Variants in ARHGAP6 observed in about 807,000 individuals in gnomAD.
ARHGAP6 encodes Rho GTPase activating protein 6, also known as rho GTPase-activating protein 6.
Under a neutral mutation model 55.7 loss-of-function variants are expected in ARHGAP6, and 16 were observed. The observed-to-expected ratio is 0.29, with a 90% CI of 0.19 to 0.44. The LOEUF is 0.44. Among genes scored for constraint, ARHGAP6 ranks in the 20% least tolerant of loss-of-function variants. ARHGAP6 has a pLI of 1.00. For synonymous variants in ARHGAP6, 382 were observed against 360.9 expected, an observed-to-expected ratio of 1.06 and a Z score of -0.66; for missense variants, 698 against 808.9, an observed-to-expected ratio of 0.86 and a Z score of 1.66.
At chrX:11,535,753 C>T (rs989828106) in intron 1 of ARHGAP6, among the ~76,000 whole-genome samples, 3 of 33,999 alleles carry the variant, frequency 8.8e-5, no homozygotes, top group South Asian at 1.1e-3. Context: ...ACAGTAAGTA[C>T]GATCCAAGAT....
chrX:11,144,228 G>T lies in ARHGAP6; in HGVS notation c.1928C>A (p.Ser643Ter). The T allele has an allele frequency of 8.3e-7, 1 of 1,211,455 alleles. No individual in the cohort carries two copies. The highest frequency in any genetic ancestry group is 1.8e-5 in the South Asian group (1 of 56,948). ...CCCTCCCACGGAAAAGGAAACTTCCGACTGCAGCATGTCAGGGCTTCTGGC... is the reference window on the plus strand; with the variant it reads ...CCCTCCCACGGAAAAGGAAACTTCCTACTGCAGCATGTCAGGGCTTCTGGC... ...SQSSSPDMLQSEVSFSVGGRH... is the reference protein window; with the variant it reads ...SQSSSPDMLQ The change falls in exon 11 of 13, where the codon TCG becomes TAG. Residue 643 changes from serine to a stop codon, truncating the protein, a stop_gained. Transcript: ENST00000337414. LOFTEE classifies it high-confidence loss of function.
At chrX:11,243,204 T>C (rs907512582) in intron 2 of ARHGAP6, among the ~76,000 whole-genome samples, 3 of 111,888 alleles carry the variant, frequency 2.7e-5, no homozygotes, top group Non-Finnish European at 5.6e-5. Flanking sequence ...CAGTAGTTTT[T>C]AATCTAAATC....
chrX:11,346,711 G>GAATAAAGAA, intron 1 of ARHGAP6, among the ~76,000 whole-genome samples: 1 of 79,573 alleles, frequency 1.3e-5, no homozygotes, highest in Non-Finnish European at 2.5e-5. Flanking sequence ...CCTGTCTCAA[G>GAATAAAGAA]AAGAAAGAAA....
intron 1 of ARHGAP6, among the ~76,000 whole-genome samples, chrX:11,551,140 G>A (rs188104979): frequency 2.7e-5 from 3 of 111,952 alleles, no homozygotes; most frequent in African/African-American, 9.7e-5. Flanking sequence ...AGGGTGACTT[G>A]GGAACAACAT....
intron 1 of ARHGAP6, among the ~76,000 whole-genome samples, chrX:11,622,116 T>C (rs934686244): frequency 1.8e-5 from 2 of 112,032 alleles, no homozygotes; most frequent in East Asian, 2.8e-4. Context: ...AGGCACTCAT[T>C]AAAAGAACTA....
chrX:11,190,835 C>A, intron 3 of ARHGAP6, among the ~76,000 whole-genome samples: 2 of 111,770 alleles, frequency 1.8e-5, no homozygotes. Context: ...GGCAGATCTT[C>A]CCCACCAGCA....
chrX:11,501,724 A>G (rs2050681009), intron 1 of ARHGAP6, among the ~76,000 whole-genome samples: 1 of 112,072 alleles, frequency 8.9e-6, no homozygotes, highest in South Asian at 3.7e-4. Context: ...AGGCTAGAAA[A>G]AAGTAATATT....
At chrX:11,426,030 C>T (rs2049875132) in intron 1 of ARHGAP6, among the ~76,000 whole-genome samples, 1 of 112,092 alleles carries the variant, frequency 8.9e-6, no homozygotes, top group African/African-American at 3.2e-5. Flanking sequence ...AATCACTGAG[C>T]CACCGGTGTC....
At chrX:11,511,926 A>C (rs1259558839) in intron 1 of ARHGAP6, among the ~76,000 whole-genome samples, 1 of 111,188 alleles carries the variant, frequency 9.0e-6, no homozygotes, top group Non-Finnish European at 1.9e-5. Context: ...TCCCGGGTTC[A>C]CACCATTCTC....
chrX:11,507,323 T>C (rs954680180), intron 1 of ARHGAP6, among the ~76,000 whole-genome samples: 4 of 111,178 alleles, frequency 3.6e-5, no homozygotes, highest in African/African-American at 3.3e-5. Context: ...GGGATGGACA[T>C]GGCAGCACAG....
chrX:11,601,240 G>C (rs761505197), intron 1 of ARHGAP6, among the ~76,000 whole-genome samples: 1 of 111,451 alleles, frequency 9.0e-6, no homozygotes, highest in Non-Finnish European at 1.9e-5. Context: ...AGGGACAGCA[G>C]CAGTGTATGG....
intron 1 of ARHGAP6, among the ~76,000 whole-genome samples, chrX:11,548,241 C>A (rs2051231417): frequency 8.9e-6 from 1 of 112,220 alleles, no homozygotes; most frequent in African/African-American, 3.2e-5. Flanking sequence ...CTGCCTCAAA[C>A]ATTTATCGTT....
intron 1 of ARHGAP6, among the ~76,000 whole-genome samples, chrX:11,645,101 T>C (rs1170572327): frequency 2.7e-5 from 3 of 111,708 alleles, no homozygotes; most frequent in Non-Finnish European, 5.7e-5. Flanking sequence ...CTAAATACTG[T>C]ACAATTCAAT....
intron 1 of ARHGAP6, among the ~76,000 whole-genome samples, chrX:11,483,854 A>G (rs1458043877): frequency 1.8e-5 from 2 of 111,115 alleles, no homozygotes; most frequent in East Asian, 2.8e-4. Context: ...TTTTATGACT[A>G]TAGGGAGAAA....
At chrX:11,469,045 C>A (rs182997239) in intron 1 of ARHGAP6, among the ~76,000 whole-genome samples, 14 of 112,584 alleles carry the variant, frequency 1.2e-4, no homozygotes, top group Admixed American at 3.7e-4. Flanking sequence ...TTAGTAGACA[C>A]AGAATCTGCC....
intron 1 of ARHGAP6, among the ~76,000 whole-genome samples, chrX:11,364,433 T>A (rs1018898493): frequency 1.8e-5 from 2 of 111,058 alleles, no homozygotes; most frequent in African/African-American, 6.6e-5. Flanking sequence ...ATTAACTTTA[T>A]TAGCAGCCTC....
At chrX:11,508,914 A>T (rs2050759148) in intron 1 of ARHGAP6, among the ~76,000 whole-genome samples, 1 of 110,559 alleles carries the variant, frequency 9.0e-6, no homozygotes, top group African/African-American at 3.3e-5. Flanking sequence ...CTATATGGTA[A>T]GTTAGTCACC....
intron 1 of ARHGAP6, among the ~76,000 whole-genome samples, chrX:11,402,224 A>G (rs2049558178): frequency 8.9e-6 from 1 of 112,143 alleles, no homozygotes; most frequent in South Asian, 3.7e-4. Context: ...TCTTGGCCAC[A>G]AAAGTATGCT....
intron 1 of ARHGAP6, among the ~76,000 whole-genome samples, chrX:11,519,490 C>G (rs1266709518): frequency 9.2e-6 from 1 of 108,751 alleles, no homozygotes; most frequent in East Asian, 2.9e-4. Flanking sequence ...TTGTTTTTTT[C>G]TTGTAAATTT....
Sources: gnomAD v4.1 joint callset for allele counts (sites outside exome capture counted in the v4.1 genomes callset) on GRCh38, gnomAD v4.1.1 for gene constraint, MANE v1.5 for transcripts, NCBI Gene and HGNC (gene_info 2026-07-23, HGNC 2026-07-21) for gene names.